Variants in TRAF3IP1 observed in about 807,000 individuals in gnomAD.
TRAF3IP1 encodes the protein TRAF3-interacting protein 1.
In TRAF3IP1, 53 loss-of-function variants were observed where a neutral mutation model predicts 89.9. The ratio of observed to expected loss-of-function variants is 0.59; its 90% CI spans 0.47 to 0.74. The LOEUF (loss-of-function observed/expected upper bound fraction) is 0.74. Ranked by LOEUF, TRAF3IP1 falls within the 30% of genes least tolerant of loss-of-function variation. The probability of loss-of-function intolerance (pLI) is 0.00; values close to 1 mark genes in which losing one functional copy is unlikely to be tolerated. For missense variants in TRAF3IP1, 806 were observed against 866.1 expected (o/e 0.93, Z 0.87); for synonymous variants, 311 against 322.1 (o/e 0.97, Z 0.37).
intron 5 of TRAF3IP1, among the ~76,000 whole-genome samples, chr2:238,330,635 C>T (rs959814760): frequency 1.9e-4 from 29 of 152,130 alleles, no homozygotes; most frequent in Non-Finnish European, 3.5e-4. Context: ...TGTGCCTGCC[C>T]AGGGGAGGTG....
At chr2:238,353,116 G>A (rs1699246867) in intron 13 of TRAF3IP1, 57 bp from the exon 14 acceptor site, 1 of 1,607,552 alleles carries the variant, frequency 6.2e-7, no homozygotes, top group African/African-American at 1.3e-5. Context: ...ACAGAAGCAT[G>A]ATCTTTAAAA....
rs1574918118 is a variant in TRAF3IP1, at chr2:238,345,241, A to G, written c.1261+643A>G. ...AAATTATCTGTTGAAGGCCTACTGC[A>G]TGTCAGCCCTGAGGCTGGGAGCGCA... is the stretch of plus-strand genomic sequence containing the variant. On this transcript the variant is annotated intron_variant, in intron 9 of 16. Transcript: ENST00000373327. The surrounding 1 kb of genome is among the most constrained non-coding windows in gnomAD (Gnocchi z 4.7). Among the ~76,000 whole-genome samples, 1 of 152,302 alleles carries G rather than the reference A, an allele frequency of 6.6e-6. No homozygotes were observed. The highest frequency in any genetic ancestry group is 1.9e-4 in the East Asian group (1 of 5,182).
intron 15 of TRAF3IP1, among the ~76,000 whole-genome samples, chr2:238,368,858 A>C (rs1359985339): frequency 1.9e-4 from 29 of 152,146 alleles, no homozygotes; most frequent in Non-Finnish European, 4.4e-5. Flanking sequence ...TTTTTAGTAG[A>C]GACAGAGTTT....
At chr2:238,392,369 C>T (rs1164482535) in intron 15 of TRAF3IP1, among the ~76,000 whole-genome samples, 1 of 152,132 alleles carries the variant, frequency 6.6e-6, no homozygotes, top group East Asian at 1.9e-4. Context: ...CTCTTGTTGC[C>T]TTTTTATAGC....
chr2:238,323,542 C>T (rs1559351716), intron 1 of TRAF3IP1, among the ~76,000 whole-genome samples: 1 of 152,170 alleles, frequency 6.6e-6, no homozygotes, highest in Non-Finnish European at 1.5e-5. Context: ...AATGAAAACT[C>T]CTAGATTCAT....
rs1699143958 is a variant in TRAF3IP1, at chr2:238,351,407, G to A, written c.1452-1420G>A. 6.6e-6 allele frequency among the ~76,000 whole-genome samples: 1 copy of A among 152,026 alleles called. No individual in the cohort carries two copies. Among genetic ancestry groups the A allele is most frequent in the Non-Finnish European group, 1.5e-5 (1 of 67,984 alleles). On this transcript the variant is annotated intron_variant, in intron 12 of 16. Coordinates refer to ENST00000373327, the MANE Select transcript of TRAF3IP1 (RefSeq NM_015650.4). The surrounding 1 kb of genome is among the most constrained non-coding windows in gnomAD (Gnocchi z 5.2). The stretch of plus-strand genomic sequence containing the variant: ...GAGAGTGATCTGGAAGCCGAAGCAA[G>A]CATAAGGAAATTACTGACCTTCCCT...
In TRAF3IP1 at chr2:238,379,901, TAAA is replaced by T. The variant is rs1011873759; in HGVS notation, c.1690-17554_1690-17552del. Among the ~76,000 whole-genome samples, 6 of 152,162 alleles carry T rather than the reference TAAA, an allele frequency of 3.9e-5. No individual in the cohort carries two copies. Among genetic ancestry groups the T allele is most frequent in the African/African-American group, 1.2e-4 (5 of 41,506 alleles). On this transcript the variant is annotated intron_variant, in intron 15 of 16. Transcript: ENST00000373327. This position sits in a 1 kb window ranked among gnomAD's most constrained non-coding sequence, Gnocchi z 4.0. ...CAATTAGTTAGTACAGAGGTGGAAATAAAAAACAAAATAATTGAATAATCACCT... is the reference window on the plus strand; with the variant it reads ...CAATTAGTTAGTACAGAGGTGGAAATAAACAAAATAATTGAATAATCACCT...
chr2:238,370,080 T>C (rs1178860794), intron 15 of TRAF3IP1, among the ~76,000 whole-genome samples: 1 of 152,184 alleles, frequency 6.6e-6, no homozygotes, highest in South Asian at 2.1e-4. Context: ...GATTGGAGAA[T>C]GGAGTGTTTG....
At chr2:238,324,942 C>A (rs1697746587) in intron 1 of TRAF3IP1, among the ~76,000 whole-genome samples, 1 of 152,148 alleles carries the variant, frequency 6.6e-6, no homozygotes, top group Admixed American at 6.5e-5. Flanking sequence ...TCCGAAATGT[C>A]CCCTTGCCCA....
intron 15 of TRAF3IP1, among the ~76,000 whole-genome samples, chr2:238,391,125 T>C (rs1361155500): frequency 6.6e-6 from 1 of 152,126 alleles, no homozygotes; most frequent in Admixed American, 6.5e-5. Context: ...TTGGTAATTT[T>C]TGTATTTTTT....
At chr2:238,362,567 G>T (rs753601232) in intron 15 of TRAF3IP1, among the ~76,000 whole-genome samples, 3 of 152,140 alleles carry the variant, frequency 2.0e-5, no homozygotes, top group Non-Finnish European at 2.9e-5. Flanking sequence ...GGAGAAAAGG[G>T]AGGAAGGAGA....
chr2:238,389,129 A>G (rs552825638), intron 15 of TRAF3IP1, among the ~76,000 whole-genome samples: 102 of 152,258 alleles, frequency 6.7e-4, no homozygotes, highest in Admixed American at 1.2e-3. Context: ...AGTCACATCC[A>G]GCAGCGGGGC....
At chr2:238,337,423 G>A (rs1284695098) in intron 7 of TRAF3IP1, among the ~76,000 whole-genome samples, 1 of 152,212 alleles carries the variant, frequency 6.6e-6, no homozygotes, top group East Asian at 1.9e-4. Context: ...TGGTCCCGGA[G>A]CTGCTGTTCC....
At chr2:238,336,057 G>A (rs1277723057) in intron 7 of TRAF3IP1, among the ~76,000 whole-genome samples, 1 of 152,128 alleles carries the variant, frequency 6.6e-6, no homozygotes, top group Non-Finnish European at 1.5e-5. Flanking sequence ...CTCCCAAAGT[G>A]CTGGGATTAC....
intron 15 of TRAF3IP1, among the ~76,000 whole-genome samples, chr2:238,363,296 A>G (rs1699738137): frequency 6.6e-6 from 1 of 152,078 alleles, no homozygotes; most frequent in Admixed American, 6.6e-5. Context: ...AAACCTACAT[A>G]TATTTCCGAT....
intron 7 of TRAF3IP1, among the ~76,000 whole-genome samples, chr2:238,335,054 T>G (rs1439738458): frequency 6.6e-6 from 1 of 152,226 alleles, no homozygotes; most frequent in Non-Finnish European, 1.5e-5. Context: ...TCTTACTGAT[T>G]TGCTTGCACG....
chr2:238,324,213 G>A (rs958357406), intron 1 of TRAF3IP1, among the ~76,000 whole-genome samples: 3 of 152,114 alleles, frequency 2.0e-5, no homozygotes, highest in African/African-American at 4.8e-5. Context: ...GATTACAGAC[G>A]CCCACCACCA....
At chr2:238,377,413 C>T (rs565244781) in intron 15 of TRAF3IP1, among the ~76,000 whole-genome samples, 1 of 151,552 alleles carries the variant, frequency 6.6e-6, no homozygotes, top group African/African-American at 2.4e-5. Context: ...AGGTTCCCCC[C>T]CCACTGTGGG....
chr2:238,377,413 C>G (rs565244781), intron 15 of TRAF3IP1, among the ~76,000 whole-genome samples: 30 of 151,666 alleles, frequency 2.0e-4, no homozygotes, highest in South Asian at 1.7e-3. Flanking sequence ...AGGTTCCCCC[C>G]CCACTGTGGG....
Sources: gnomAD v4.1 joint callset for allele counts (sites outside exome capture counted in the v4.1 genomes callset) on GRCh38, gnomAD v4.1.1 for gene constraint, Gnocchi (gnomAD v3.1) non-coding constraint, MANE v1.5 for transcripts, NCBI Gene and HGNC (gene_info 2026-07-23, HGNC 2026-07-21) for gene names.